Variants in SLF1 observed in about 807,000 individuals in gnomAD.
The protein encoded by SLF1 is SMC5-SMC6 complex localization factor protein 1.
SLF1 carries 105 observed loss-of-function variants against 123.0 expected under a neutral mutation model. That is an observed-to-expected ratio of 0.85 (90% confidence interval 0.73 to 1.00). SLF1 has a LOEUF of 1.00. Among genes scored for constraint, SLF1 ranks in the 50% least tolerant of loss-of-function variants. SLF1 has a pLI of 0.00. For missense variants in SLF1, 1,239 were observed against 1,223.0 expected (o/e 1.01, Z -0.20); for synonymous variants, 434 against 406.6 (o/e 1.07, Z -0.81).
intron 5 of SLF1, among the ~76,000 whole-genome samples, chr5:94,647,321 GTC>G (rs1309331174): frequency 6.6e-6 from 1 of 152,170 alleles, no homozygotes; most frequent in African/African-American, 2.4e-5. Context: ...TGATTTATAT[GTC>G]TCTTCTTCTT....
Position 94,651,862 on chromosome 5 carries a change from T to G in SLF1, c.882+17T>G. On this transcript the variant is annotated intron_variant, in intron 7 of 20. Coordinates refer to ENST00000265140, the MANE Select transcript of SLF1 (RefSeq NM_032290.4). ...GAAAATCAGGTACAACTTTCCAAAT[T>G]AAAAATAATTTATTTTTAATATATA... 7 of 1,278,582 alleles carry G rather than the reference T, an allele frequency of 5.5e-6. No homozygotes were observed. The highest frequency in any genetic ancestry group is 7.3e-6 in the Non-Finnish European group (7 of 958,918). 79.2% of individuals were successfully genotyped at this position (1,278,582 alleles called of 1,614,324 possible).
chr5:94,695,059 A>T lies in SLF1; in HGVS notation c.2924A>T (p.Glu975Val). ...TGTTCAATTTTTGATTTATCTTCAG[A>T]GTTCATTTTAGCTTCCAAAGGGTTA... is the stretch of plus-strand genomic sequence containing the variant. ...NFCSIFDLSSEFILASKGLTH... is the reference protein window; with the variant it reads ...NFCSIFDLSSVFILASKGLTH... The change falls in exon 21 of 21, where the codon GAG becomes GTG. Residue 975 changes from glutamate to valine, a missense_variant. Coordinates refer to ENST00000265140, the MANE Select transcript of SLF1 (RefSeq NM_032290.4). 1 of 1,612,552 alleles carries T rather than the reference A, an allele frequency of 6.2e-7. No homozygotes were observed. The highest frequency in any genetic ancestry group is 1.7e-4 in the Middle Eastern group (1 of 6,052).
chr5:94,622,911 C>A (rs1791920785), intron 1 of SLF1, among the ~76,000 whole-genome samples: 1 of 152,068 alleles, frequency 6.6e-6, no homozygotes, highest in Non-Finnish European at 1.5e-5. Context: ...ATTTATGCAT[C>A]CCTGTCTCTC....
At chr5:94,657,844 C>G (rs1376707579) in intron 9 of SLF1, among the ~76,000 whole-genome samples, 1 of 151,924 alleles carries the variant, frequency 6.6e-6, no homozygotes, top group Non-Finnish European at 1.5e-5. Context: ...AAAGTTTTTT[C>G]TGATGTAAGT....
At chr5:94,671,284 G>T (rs1234132771) in intron 14 of SLF1, among the ~76,000 whole-genome samples, 4 of 151,624 alleles carry the variant, frequency 2.6e-5, no homozygotes, top group African/African-American at 9.7e-5. Context: ...TTACTTTTGT[G>T]CAATTTGATT....
intron 15 of SLF1, among the ~76,000 whole-genome samples, chr5:94,684,630 A>G (rs991900443): frequency 1.4e-5 from 2 of 144,922 alleles, no homozygotes; most frequent in Non-Finnish European, 1.5e-5. Flanking sequence ...CCCGGGAGGC[A>G]GAGGTTGCAG....
intron 4 of SLF1, among the ~76,000 whole-genome samples, chr5:94,634,582 A>G (rs1279799301): frequency 6.6e-6 from 1 of 152,140 alleles, no homozygotes; most frequent in Non-Finnish European, 1.5e-5. Flanking sequence ...TCATTGATGT[A>G]CACTTTAGGT....
At chr5:94,633,090 A>C (rs1745386633) in intron 4 of SLF1, among the ~76,000 whole-genome samples, 1 of 151,754 alleles carries the variant, frequency 6.6e-6, no homozygotes, top group South Asian at 2.1e-4. Context: ...TCCTGGGTTC[A>C]AACAATTCTG....
At chr5:94,684,416 C>T (rs1425516030) in intron 15 of SLF1, among the ~76,000 whole-genome samples, 3 of 152,010 alleles carry the variant, frequency 2.0e-5, no homozygotes, top group East Asian at 1.9e-4. Context: ...AATTGTATCT[C>T]GGCCAGGTGC....
chr5:94,665,727 TG>T, intron 11 of SLF1, 133 bp from the exon 12 acceptor site: 1 of 790,244 alleles, frequency 1.3e-6, no homozygotes, highest in South Asian at 2.0e-5. Flanking sequence ...CACTCCAGCC[TG>T]GGTGACAGAG....
chr5:94,694,500 A>T (rs1167296410), intron 20 of SLF1, among the ~76,000 whole-genome samples: 1 of 151,912 alleles, frequency 6.6e-6, no homozygotes, highest in Non-Finnish European at 1.5e-5. Flanking sequence ...TGAATAATAC[A>T]TTTTTAAGAT....
intron 4 of SLF1, 143 bp from the exon 5 acceptor site, chr5:94,643,130 T>A (rs1438377633): frequency 1.8e-6 from 1 of 550,660 alleles, no homozygotes; most frequent in African/African-American, 2.0e-5. Context: ...GCAGCCGTGT[T>A]CTCTGTGATC....
chr5:94,683,119 G>C (rs1461182621), intron 15 of SLF1, among the ~76,000 whole-genome samples: 2 of 152,070 alleles, frequency 1.3e-5, no homozygotes, highest in Non-Finnish European at 2.9e-5. Flanking sequence ...CATATCTTTG[G>C]AGAACTTTAA....
At chr5:94,656,841 TTTTA>T (rs59680750) in intron 9 of SLF1, among the ~76,000 whole-genome samples, 37,791 of 151,072 alleles carry the variant, frequency 0.25, 5,035 homozygotes, top group Non-Finnish European at 0.29. Flanking sequence ...TCACTTCTGA[TTTTA>T]TTTATTTGGG....
chr5:94,619,887 C>G (rs1791534235), intron 1 of SLF1, among the ~76,000 whole-genome samples: 1 of 147,640 alleles, frequency 6.8e-6, no homozygotes, highest in African/African-American at 2.4e-5. Flanking sequence ...CCTTCCTTTG[C>G]TTTCTTTCTT....
chr5:94,640,370 G>A (rs112438439), intron 4 of SLF1, among the ~76,000 whole-genome samples: 52 of 151,524 alleles, frequency 3.4e-4, no homozygotes, highest in South Asian at 2.9e-3. Context: ...CTTTTTTTCC[G>A]TTTGTATCAT....
chr5:94,629,805 AACAT>A (rs1745006499), intron 3 of SLF1: 1 of 152,228 alleles, frequency 6.6e-6, no homozygotes, highest in South Asian at 2.1e-4. Context: ...TACAAATGAA[AACAT>A]ACATTGTCCA....
intron 5 of SLF1, among the ~76,000 whole-genome samples, chr5:94,645,229 A>G (rs1005416841): frequency 2.0e-5 from 3 of 152,214 alleles, no homozygotes; most frequent in African/African-American, 7.2e-5. Flanking sequence ...TTATGAACAC[A>G]GAAGAATGTA....
chr5:94,618,893 G>T (rs1389141270), intron 1 of SLF1, 128 bp downstream of exon 1: 1 of 154,304 alleles, frequency 6.5e-6, no homozygotes, highest in Non-Finnish European at 1.5e-5. Flanking sequence ...GGGGTGAGCG[G>T]CAGCGGTGTC....
Sources: allele counts gnomAD v4.1 joint callset (sites outside exome capture counted in the v4.1 genomes callset), GRCh38; gene constraint gnomAD v4.1.1; transcripts MANE v1.5; gene names NCBI Gene and HGNC (gene_info 2026-07-23, HGNC 2026-07-21).